Variants in TRIO observed in about 807,000 individuals in gnomAD.
TRIO encodes the protein trio Rho guanine nucleotide exchange factor, also known as triple functional domain protein.
In TRIO, 58 loss-of-function variants were observed where a neutral mutation model predicts 351.9. That is an observed-to-expected ratio of 0.16 (90% CI 0.13 to 0.21). The LOEUF (loss-of-function observed/expected upper bound fraction) is 0.21. TRIO is among the 10% of genes least tolerant of loss of function. TRIO has a pLI of 1.00. For missense variants in TRIO, 3,201 were observed against 4,027.8 expected (o/e 0.79, Z 5.56); for synonymous variants, 1,758 against 1,595.7 (o/e 1.10, Z -2.42).
chr5:14,304,713 C>T, intron 8 of TRIO, 121 bp downstream of exon 8: 1 of 1,175,226 alleles, frequency 8.5e-7, no homozygotes, highest in Non-Finnish European at 1.2e-6. Flanking sequence ...TCGAGTTAGA[C>T]TGCAGTTTAA....
At chr5:14,146,608 G>A (rs1217249638) in intron 1 of TRIO, among the ~76,000 whole-genome samples, 3 of 152,242 alleles carry the variant, frequency 2.0e-5, no homozygotes, top group Non-Finnish European at 4.4e-5. Context: ...ACAGTCCTGT[G>A]ATTTCTCCAT....
chr5:14,283,842 G>A (rs1337813656), intron 3 of TRIO, among the ~76,000 whole-genome samples: 1 of 151,300 alleles, frequency 6.6e-6, no homozygotes, highest in Non-Finnish European at 1.5e-5. Context: ...TCCACTAAAC[G>A]TGTGTAGGAG....
intron 1 of TRIO, among the ~76,000 whole-genome samples, chr5:14,259,605 G>A (rs1034671575): frequency 4.6e-5 from 7 of 152,186 alleles, no homozygotes; most frequent in Non-Finnish European, 8.8e-5. Context: ...GCAAAAGCCA[G>A]TGGTTGCCAG....
Position 14,471,423 on chromosome 5 carries a change from G to A in TRIO, c.5869G>A (p.Asp1957Asn). The A allele has an allele frequency of 2.5e-6, 4 of 1,614,122 alleles. No homozygotes were observed. The highest frequency in any genetic ancestry group is 3.4e-6 in the Non-Finnish European group (4 of 1,180,016). ...NSLLSSSSPI[D>N]EMEERKSSSL... ...CCTTCTCTCTTCCTCCTCGCCCATT[G>A]ATGAGATGGAAGAAAGGAAATCCAG... Residue 1957 changes from aspartate (D) to asparagine (N), a missense_variant, in exon 38 of 57, where the codon GAT (aspartate) becomes AAT (asparagine). Physicochemically the swap from Asp to Asn is conservative, Grantham distance 23. Transcript: ENST00000344204.
intron 1 of TRIO, among the ~76,000 whole-genome samples, chr5:14,207,706 T>C (rs1282190891): frequency 6.6e-6 from 1 of 151,342 alleles, no homozygotes; most frequent in Non-Finnish European, 1.5e-5. Flanking sequence ...AGCAAGACCT[T>C]GTCTCAGAGA....
chr5:14,223,380 A>G (rs1792773038), intron 1 of TRIO, among the ~76,000 whole-genome samples: 1 of 152,214 alleles, frequency 6.6e-6, no homozygotes, highest in Non-Finnish European at 1.5e-5. Context: ...TGTGGGACAC[A>G]GCAGATCTCA....
At chr5:14,500,931 AG>A (rs1258198752) in intron 53 of TRIO, among the ~76,000 whole-genome samples, 2 of 149,940 alleles carry the variant, frequency 1.3e-5, no homozygotes, top group African/African-American at 4.9e-5. Flanking sequence ...GGAAAAAGAA[AG>A]GTGTGTTTTA....
At chr5:14,188,368 A>G (rs75234029) in intron 1 of TRIO, among the ~76,000 whole-genome samples, 273 of 152,320 alleles carry the variant, frequency 1.8e-3, no homozygotes, top group African/African-American at 6.3e-3. Flanking sequence ...GAGATTGGTT[A>G]AGTAGCCCAA....
intron 2 of TRIO, among the ~76,000 whole-genome samples, chr5:14,278,247 C>T (rs1735709184): frequency 1.3e-5 from 2 of 152,172 alleles, no homozygotes; most frequent in African/African-American, 2.4e-5. Flanking sequence ...GTTCTCAGGT[C>T]TGGGGTGATC....
chr5:14,488,453 G>C (rs962333622), intron 48 of TRIO, 193 bp downstream of exon 48: 4 of 766,526 alleles, frequency 5.2e-6, no homozygotes, highest in Non-Finnish European at 6.0e-6. Flanking sequence ...TGCTTTGTTC[G>C]TGTCTTCTAA....
chr5:14,387,321 A>G lies in TRIO; in HGVS notation c.3571-117A>G, dbSNP rs937152997. On this transcript the variant is annotated intron_variant, in intron 21 of 56. Transcript: ENST00000344204. ...ACCTGGGGCTTTGGTCTCAGTTTCT[A>G]CCATCAGCCGGTTTTCCTGTTCAGA... The G allele has an allele frequency of 3.6e-5, 37 of 1,038,612 alleles. No homozygotes were observed. In the African/African-American group the frequency reaches 3.7e-4, roughly 10 times the overall value. The allele number at this position is 1,038,612 out of a possible 1,614,324, so 64.3% of individuals were successfully genotyped here.
intron 11 of TRIO, among the ~76,000 whole-genome samples, chr5:14,338,969 A>G (rs1172377316): frequency 1.3e-5 from 2 of 152,208 alleles, no homozygotes; most frequent in Non-Finnish European, 2.9e-5. Flanking sequence ...CCCACCAAGC[A>G]GTATTTGTGA....
intron 9 of TRIO, among the ~76,000 whole-genome samples, chr5:14,324,742 TTTTA>T (rs1213530455): frequency 6.6e-6 from 1 of 152,306 alleles, no homozygotes; most frequent in African/African-American, 2.4e-5. Context: ...TATTTGTAGC[TTTTA>T]TTTGTGATTC....
chr5:14,462,743 A>C lies in TRIO; in HGVS notation c.5497-12A>C. 1 of 1,613,840 alleles carries C rather than the reference A, an allele frequency of 6.2e-7. No homozygotes were observed. The highest frequency in any genetic ancestry group is 8.5e-7 in the Non-Finnish European group (1 of 1,179,844). ...CCTGGAATATAATGAGCAAATCTTG[A>C]CTGGATTTCAGAGAGGCCGGAACGA... On this transcript the variant is annotated splice_polypyrimidine_tract_variant and intron_variant, in intron 35 of 56. Transcript: ENST00000344204.
chr5:14,376,625 A>G (rs748225055), intron 19 of TRIO, among the ~76,000 whole-genome samples: 1 of 152,214 alleles, frequency 6.6e-6, no homozygotes, highest in African/African-American at 2.4e-5. Flanking sequence ...GCATTTTTGA[A>G]GTTAATTTGA....
chr5:14,496,085 G>C (rs78111505), intron 49 of TRIO, among the ~76,000 whole-genome samples: 1 of 152,278 alleles, frequency 6.6e-6, no homozygotes, highest in South Asian at 2.1e-4. Context: ...TTCACTGATG[G>C]TGCGGATGAT....
chr5:14,423,819 A>T (rs1049530833), intron 34 of TRIO, among the ~76,000 whole-genome samples: 3 of 151,986 alleles, frequency 2.0e-5, no homozygotes, highest in Non-Finnish European at 2.9e-5. Flanking sequence ...CTCCCCACTC[A>T]GGACATCTGG....
intron 1 of TRIO, among the ~76,000 whole-genome samples, chr5:14,202,474 C>T (rs1397858943): frequency 6.6e-6 from 1 of 151,708 alleles, no homozygotes; most frequent in Non-Finnish European, 1.5e-5. Flanking sequence ...AATACTGTAG[C>T]TCATGTTGTG....
chr5:14,257,150 C>T (rs1037817765), intron 1 of TRIO, among the ~76,000 whole-genome samples: 2 of 152,230 alleles, frequency 1.3e-5, no homozygotes, highest in Non-Finnish European at 2.9e-5. Flanking sequence ...CTGTCTGTGC[C>T]TCTGGCGACC....
Sources: gnomAD v4.1 joint callset for allele counts (sites outside exome capture counted in the v4.1 genomes callset) on GRCh38, gnomAD v4.1.1 for gene constraint, MANE v1.5 for transcripts, NCBI Gene and HGNC (gene_info 2026-07-23, HGNC 2026-07-21) for gene names.